Variants in ASCC3 observed in about 807,000 individuals in gnomAD.
The protein encoded by ASCC3 is activating signal cointegrator 1 complex subunit 3.
In ASCC3, 158 loss-of-function variants were observed where a neutral mutation model predicts 256.3. That is an observed-to-expected ratio of 0.62 (90% CI 0.54 to 0.70). The LOEUF (loss-of-function observed/expected upper bound fraction) is 0.70, where lower values mean the gene tolerates loss of function less well. Among genes scored for constraint, ASCC3 ranks in the 30% least tolerant of loss-of-function variants. The pLI is 0.00. For missense variants in ASCC3, 2,259 were observed against 2,626.0 expected (o/e 0.86, Z 3.05); for synonymous variants, 948 against 883.4 (o/e 1.07, Z -1.30).
At chr6:100,556,824 A>C (rs1299827632) in intron 36 of ASCC3, among the ~76,000 whole-genome samples, 2 of 152,000 alleles carry the variant, frequency 1.3e-5, no homozygotes, top group Non-Finnish European at 2.9e-5. Context: ...TAGGAGCTAA[A>C]GAGTGAACAT....
chr6:100,529,583 G>A (rs1384386492), intron 37 of ASCC3, among the ~76,000 whole-genome samples: 1 of 151,832 alleles, frequency 6.6e-6, no homozygotes, highest in Non-Finnish European at 1.5e-5. Flanking sequence ...GAAAAACAGG[G>A]ATTAAAAATA....
In ASCC3 at chr6:100,509,448, T is replaced by G; in HGVS notation, c.6547A>C (p.Ser2183Arg). 1 of 1,614,228 alleles carries G rather than the reference T, an allele frequency of 6.2e-7. No individual in the cohort carries two copies. The highest frequency in any genetic ancestry group is 1.3e-5 in the African/African-American group (1 of 75,062). The change falls in exon 42 of 42, where the codon AGT (serine) becomes CGT (arginine). Residue 2183 changes from serine (S) to arginine (R), a missense_variant. By Grantham distance (110) the Ser-to-Arg change is moderately radical. Transcript: ENST00000369162. ...TTGGTGTTGACCTGTGCAGAAAGACTCGCTTGTGTAACGTTGAGATAGATG... is the reference window on the plus strand; with the variant it reads ...TTGGTGTTGACCTGTGCAGAAAGACGCGCTTGTGTAACGTTGAGATAGATG... ...YDIYLNVTQA[S>R]LSAQVNTKVS... is the part of the protein sequence containing the mutation.
intron 13 of ASCC3, among the ~76,000 whole-genome samples, chr6:100,685,086 C>T (rs544233047): frequency 6.6e-6 from 1 of 152,100 alleles, no homozygotes; most frequent in Non-Finnish European, 1.5e-5. Context: ...GGATTACAGG[C>T]GTGAGCCACC....
intron 36 of ASCC3, among the ~76,000 whole-genome samples, chr6:100,586,027 A>G (rs2114762490): frequency 6.6e-6 from 1 of 152,304 alleles, no homozygotes; most frequent in South Asian, 2.1e-4. Flanking sequence ...CTCGGGGGTC[A>G]GGGGTCAGGG....
At chr6:100,662,243 C>T in intron 15 of ASCC3, 102 bp downstream of exon 15, 2 of 1,292,848 alleles carry the variant, frequency 1.5e-6, no homozygotes, top group Non-Finnish European at 2.1e-6. Context: ...CATTCAAAGT[C>T]AAGGAAACAG....
chr6:100,819,421 AG>A (rs1174260305), intron 4 of ASCC3, among the ~76,000 whole-genome samples: 2 of 152,222 alleles, frequency 1.3e-5, no homozygotes, highest in Non-Finnish European at 2.9e-5. Context: ...AAGTTTATTA[AG>A]GCGTATTGAC....
Position 100,606,937 on chromosome 6 carries a change from A to AG in ASCC3, c.4923+13dup. On this transcript the variant is annotated intron_variant, in intron 31 of 41. Transcript: ENST00000369162. Reference sequence around the variant, plus strand: ...TTACATTTAAATATGTGTTCACTGGAGAAAAAAAAGTACCTGAACTTTACA... The same window carrying AG: ...TTACATTTAAATATGTGTTCACTGGAGGAAAAAAAAGTACCTGAACTTTACA... 6.2e-7 allele frequency: 1 copy of AG among 1,613,126 alleles called. No individual in the cohort carries two copies. The highest frequency in any genetic ancestry group is 1.1e-5 in the South Asian group (1 of 90,946).
At chr6:100,714,453 G>T (rs1778996241) in intron 13 of ASCC3, among the ~76,000 whole-genome samples, 1 of 152,052 alleles carries the variant, frequency 6.6e-6, no homozygotes, top group Non-Finnish European at 1.5e-5. Context: ...TCATGGCCTG[G>T]ATCTGAAAGT....
intron 10 of ASCC3, 127 bp from the exon 11 acceptor site, chr6:100,725,830 T>A: frequency 1.1e-6 from 1 of 874,972 alleles, no homozygotes; most frequent in Non-Finnish European, 1.8e-6. Flanking sequence ...TAGAATAGCC[T>A]AGAATTACAT....
chr6:100,834,940 A>C (rs1342255468), intron 4 of ASCC3, among the ~76,000 whole-genome samples: 2 of 152,186 alleles, frequency 1.3e-5, no homozygotes, highest in African/African-American at 4.8e-5. Flanking sequence ...AAGCTCCAGA[A>C]GTTTATTTTA....
At chr6:100,737,397 A>G (rs529150391) in intron 10 of ASCC3, among the ~76,000 whole-genome samples, 2 of 151,986 alleles carry the variant, frequency 1.3e-5, no homozygotes, top group Non-Finnish European at 2.9e-5. Flanking sequence ...CACCCCCAAC[A>G]GGCCCCAGTG....
intron 25 of ASCC3, among the ~76,000 whole-genome samples, chr6:100,632,723 A>G (rs1015099343): frequency 6.6e-6 from 1 of 152,150 alleles, no homozygotes; most frequent in Admixed American, 6.6e-5. Flanking sequence ...ACATACAATA[A>G]GCAAAAGATA....
At chr6:100,728,777 A>G (rs942620637) in intron 10 of ASCC3, among the ~76,000 whole-genome samples, 3 of 152,228 alleles carry the variant, frequency 2.0e-5, no homozygotes, top group African/African-American at 7.2e-5. Flanking sequence ...CTCCTTTGCC[A>G]AGGAGTCTCT....
At chr6:100,755,927 G>A (rs1379655026) in intron 10 of ASCC3, among the ~76,000 whole-genome samples, 1 of 151,614 alleles carries the variant, frequency 6.6e-6, no homozygotes, top group African/African-American at 2.4e-5. Context: ...AACCTTTTTT[G>A]TAAAAAAATA....
At chr6:100,737,914 C>A (rs1780258475) in intron 10 of ASCC3, among the ~76,000 whole-genome samples, 1 of 152,122 alleles carries the variant, frequency 6.6e-6, no homozygotes, top group African/African-American at 2.4e-5. Flanking sequence ...TAGTAACAGC[C>A]ATTCTGACAG....
intron 4 of ASCC3, among the ~76,000 whole-genome samples, chr6:100,827,040 A>G (rs1397309248): frequency 6.6e-6 from 1 of 152,218 alleles, no homozygotes; most frequent in African/African-American, 2.4e-5. Context: ...GAATACATCA[A>G]TCATCACAAA....
chr6:100,529,152 G>A (rs79819861), intron 37 of ASCC3, among the ~76,000 whole-genome samples: 2,340 of 152,246 alleles, frequency 0.015, 24 homozygotes, highest in East Asian at 0.045. Context: ...ATGTGTGTGT[G>A]TGTGTGTGTA....
chr6:100,844,555 C>A (rs1444452756), intron 4 of ASCC3, among the ~76,000 whole-genome samples: 1 of 152,010 alleles, frequency 6.6e-6, no homozygotes, highest in Admixed American at 6.6e-5. Context: ...AAGAAAATAA[C>A]ATGGAATATT....
intron 8 of ASCC3, among the ~76,000 whole-genome samples, chr6:100,792,112 T>C (rs1161600909): frequency 6.6e-6 from 1 of 151,908 alleles, no homozygotes; most frequent in Non-Finnish European, 1.5e-5. Flanking sequence ...TTCAAAGTGA[T>C]AGAAAAACTA....
Sources: gnomAD v4.1 joint callset for allele counts (sites outside exome capture counted in the v4.1 genomes callset) on GRCh38, gnomAD v4.1.1 for gene constraint, MANE v1.5 for transcripts, NCBI Gene and HGNC (gene_info 2026-07-23, HGNC 2026-07-21) for gene names.